CRTC3: variants seen among roughly 807,000 people sequenced by gnomAD.
CRTC3 encodes CREB regulated transcription coactivator 3.
CRTC3 carries 26 observed loss-of-function variants against 74.5 expected under a neutral mutation model. The ratio of observed to expected loss-of-function variants is 0.35; its 90% confidence interval spans 0.26 to 0.48. CRTC3 has a LOEUF of 0.48. CRTC3 is among the 20% of genes least tolerant of loss of function. CRTC3 has a pLI of 0.99. For synonymous variants in CRTC3, 377 were observed against 325.8 expected (o/e 1.16, Z -1.69); for missense variants, 760 against 787.3 (o/e 0.97, Z 0.41).
chr15:90,642,534 CG>C lies in CRTC3; in HGVS notation c.*397del, dbSNP rs1969487606. ...CACTGATCTCCGTCCGCACCGAAGG[CG>C]GGCCCGGAGTGGGAGGCTCGGCCTG... On this transcript the variant is annotated 3_prime_UTR_variant, in exon 15 of 15. Transcript: ENST00000268184. The C allele has an allele frequency of 6.3e-6, 2 of 317,458 alleles. No homozygotes were observed. The highest frequency in any genetic ancestry group is 9.2e-5 in the Admixed American group (2 of 21,692). 19.7% of individuals were successfully genotyped at this position (317,458 alleles called of 1,614,324 possible). A position where few individuals can be genotyped will look rare whatever the true frequency, so the allele number is the denominator to read the frequency against.
At chr15:90,540,536 G>T (rs1053462656) in intron 2 of CRTC3, among the ~76,000 whole-genome samples, 5 of 152,138 alleles carry the variant, frequency 3.3e-5, no homozygotes, top group Admixed American at 6.5e-5. Context: ...ACTTTGGGAG[G>T]CCAAGGCTGG....
intron 2 of CRTC3, among the ~76,000 whole-genome samples, chr15:90,557,825 C>G (rs1033458969): frequency 6.6e-6 from 1 of 152,144 alleles, no homozygotes; most frequent in Non-Finnish European, 1.5e-5. Flanking sequence ...TGCCTCAGCT[C>G]TGATAACTGG....
At chr15:90,555,779 A>G (rs185966109) in intron 2 of CRTC3, among the ~76,000 whole-genome samples, 7 of 152,182 alleles carry the variant, frequency 4.6e-5, no homozygotes, top group Admixed American at 3.3e-4. Flanking sequence ...GGCCTCCCCA[A>G]AGTGCTGGGA....
At chr15:90,597,735 G>A (rs1967963168) in intron 3 of CRTC3, 1 of 152,186 alleles carries the variant, frequency 6.6e-6, no homozygotes, top group African/African-American at 2.4e-5. Flanking sequence ...TATCTTGAAG[G>A]ACAAGGAAAC....
At chr15:90,612,025 C>CCCTCCTCCTCCT (rs1270789098) in intron 6 of CRTC3, among the ~76,000 whole-genome samples, 4 of 76,594 alleles carry the variant, frequency 5.2e-5, no homozygotes, top group Admixed American at 1.3e-4. Flanking sequence ...AACCACCCCC[C>CCCTCCTCCTCCT]ACTCCTCCTC....
intron 2 of CRTC3, among the ~76,000 whole-genome samples, chr15:90,564,393 C>A (rs1000775487): frequency 3.3e-5 from 5 of 152,152 alleles, no homozygotes; most frequent in Non-Finnish European, 7.3e-5. Context: ...CCTTTGCCTT[C>A]ACACACAAGA....
At chr15:90,617,778 G>A (rs935464061) in intron 7 of CRTC3, 105 bp from the exon 8 acceptor site, 1 of 719,392 alleles carries the variant, frequency 1.4e-6, no homozygotes, top group Non-Finnish European at 2.5e-6. Context: ...CGATCCTCCT[G>A]CCTCAGCCCC....
chr15:90,545,604 T>C (rs2151058718), intron 2 of CRTC3, among the ~76,000 whole-genome samples: 1 of 150,298 alleles, frequency 6.7e-6, no homozygotes, highest in South Asian at 2.1e-4. Flanking sequence ...TGAGATGGAG[T>C]CTCACTCTTT....
chr15:90,621,018 G>A (rs1968632335), intron 9 of CRTC3, among the ~76,000 whole-genome samples: 1 of 152,148 alleles, frequency 6.6e-6, no homozygotes, highest in Non-Finnish European at 1.5e-5. Context: ...TTCAGAAAGT[G>A]GGCAAGCCTG....
chr15:90,552,157 G>C (rs1454443359), intron 2 of CRTC3, among the ~76,000 whole-genome samples: 1 of 152,150 alleles, frequency 6.6e-6, no homozygotes, highest in Non-Finnish European at 1.5e-5. Flanking sequence ...TTAGGCACAG[G>C]ACACATAGAA....
chr15:90,548,471 CAAGT>C (rs1226149444), intron 2 of CRTC3, among the ~76,000 whole-genome samples: 6 of 152,098 alleles, frequency 3.9e-5, no homozygotes, highest in Non-Finnish European at 7.4e-5. Context: ...GTTCGCATAG[CAAGT>C]AAGTAAGAGA....
chr15:90,530,021 A>T lies in CRTC3; in HGVS notation c.-51A>T, dbSNP rs910957497. The T allele has an allele frequency of 2.0e-5, 27 of 1,334,370 alleles. No homozygotes were observed. In the Admixed American group the frequency reaches 3.7e-4, roughly 18 times the overall value. The allele number at this position is 1,334,370 out of a possible 1,614,324, so 82.7% of individuals were successfully genotyped here. A position where few individuals can be genotyped will look rare whatever the true frequency, so the allele number is the denominator to read the frequency against. The stretch of plus-strand genomic sequence containing the variant: ...TGTGGACGGACGGGTGGGCCGAGGT[A>T]CAGGCCCCACGGCCGCCGTCTCCCG... On this transcript the variant is annotated 5_prime_UTR_variant, in exon 1 of 15. Transcript: ENST00000268184. This position sits in a 1 kb window ranked among gnomAD's most constrained non-coding sequence, Gnocchi z 6.2.
chr15:90,612,581 T>C (rs1234115190), intron 6 of CRTC3, among the ~76,000 whole-genome samples: 1 of 151,966 alleles, frequency 6.6e-6, no homozygotes, highest in Admixed American at 6.6e-5. Flanking sequence ...ACTGGTGTCT[T>C]GATGATGAAG....
intron 13 of CRTC3, 64 bp from the exon 14 acceptor site, chr15:90,641,033 A>G: frequency 1.9e-6 from 2 of 1,046,814 alleles, no homozygotes; most frequent in Middle Eastern, 2.0e-4. Context: ...AGCACATTGC[A>G]ATACTCACTT....
intron 10 of CRTC3, 107 bp from the exon 11 acceptor site, chr15:90,629,127 C>G: frequency 9.2e-7 from 1 of 1,092,076 alleles, no homozygotes; most frequent in South Asian, 1.6e-5. Context: ...GCTCCTTTAC[C>G]TACAGAATCA....
chr15:90,642,574 G>A lies in CRTC3; in HGVS notation c.*434G>A, dbSNP rs371311033. 96 of 312,110 alleles carry A rather than the reference G, an allele frequency of 3.1e-4. No homozygotes were observed. The East Asian group carries it at 3.4e-3, about 11-fold the overall frequency. 19.3% of individuals were successfully genotyped at this position (312,110 alleles called of 1,614,324 possible). Reference sequence around the variant, plus strand: ...AGGCTCGGCCTGGGGCGGCGGCACCGGAGAGGGCACCTCGATGCCTGCTCT... The same window carrying A: ...AGGCTCGGCCTGGGGCGGCGGCACCAGAGAGGGCACCTCGATGCCTGCTCT... On this transcript the variant is annotated 3_prime_UTR_variant, in exon 15 of 15. Transcript: ENST00000268184.
intron 2 of CRTC3, among the ~76,000 whole-genome samples, chr15:90,588,055 C>G (rs1376952371): frequency 6.6e-6 from 1 of 151,650 alleles, no homozygotes; most frequent in Non-Finnish European, 1.5e-5. Context: ...CGAGATCAGC[C>G]TGGGCAACAT....
At position 90,641,209 on chromosome 15, in the gene CRTC3, C is replaced by G; in HGVS notation, c.1651+10C>G. 1 of 1,565,072 alleles carries G rather than the reference C, an allele frequency of 6.4e-7. No individual in the cohort carries two copies. Among genetic ancestry groups the G allele is most frequent in the Non-Finnish European group, 8.8e-7 (1 of 1,135,918 alleles). On this transcript the variant is annotated intron_variant, in intron 14 of 14. Transcript: ENST00000268184. ...AACACCATCCTGCCAGGTGAGCGAGCTATCCCTCAGCTTCTTTACTGCTTT... is the reference window on the plus strand; with the variant it reads ...AACACCATCCTGCCAGGTGAGCGAGGTATCCCTCAGCTTCTTTACTGCTTT...
chr15:90,623,496 C>T (rs1199270339), intron 9 of CRTC3, among the ~76,000 whole-genome samples: 1 of 152,168 alleles, frequency 6.6e-6, no homozygotes, highest in Non-Finnish European at 1.5e-5. Flanking sequence ...AGTCCCCAGG[C>T]TAAAGGCCCC....
Sources: allele counts gnomAD v4.1 joint callset (sites outside exome capture counted in the v4.1 genomes callset), GRCh38; gene constraint gnomAD v4.1.1; non-coding constraint Gnocchi (gnomAD v3.1); transcripts MANE v1.5; gene names NCBI Gene and HGNC (gene_info 2026-07-23, HGNC 2026-07-21).